The following TP63 variants were observed in gnomAD, a reference collection of about 807,000 sequenced individuals.
TP63 encodes tumor protein 63.
Under a neutral mutation model 82.8 loss-of-function variants are expected in TP63, and 17 were observed. The ratio of observed to expected loss-of-function variants is 0.21; its 90% confidence interval spans 0.14 to 0.31. The LOEUF is 0.31. Among genes scored for constraint, TP63 ranks in the 10% least tolerant of loss-of-function variants. The pLI, the probability that TP63 is intolerant of heterozygous loss-of-function variation, is 1.00. For missense variants in TP63, 648 were observed against 895.3 expected, an observed-to-expected ratio of 0.72 and a Z score of 3.52; for synonymous variants, 330 against 321.7, an observed-to-expected ratio of 1.03 and a Z score of -0.28.
At position 189,852,716 on chromosome 3, in the gene TP63, A is replaced by G. The variant is rs116665369; in HGVS notation, c.580-11516A>G. ...AAAGAACTGATTAGGTCTTTCCCCTACCTTATAATCCTCAGTGACACCTCT... is the reference window on the plus strand; with the variant it reads ...AAAGAACTGATTAGGTCTTTCCCCTGCCTTATAATCCTCAGTGACACCTCT... On this transcript the variant is annotated intron_variant, in intron 4 of 13. Transcript: ENST00000264731. Among the ~76,000 whole-genome samples the G allele has an allele frequency of 6.1e-3, 936 of 152,224 alleles. 12 individuals are homozygous for G. Among genetic ancestry groups the G allele is most frequent in the African/African-American group, 0.022 (897 of 41,538 alleles).
rs77881428 is a variant in TP63 at position 189,867,118 on chromosome 3, T to G, written c.882+321T>G. The stretch of plus-strand genomic sequence containing the variant: ...AACTGGCAGTTGGACGGGTAGTGGA[T>G]AAGCAATAGTAGTGGATGCAAGTGT... On this transcript the variant is annotated intron_variant, in intron 6 of 13. Coordinates refer to ENST00000264731, the MANE Select transcript of TP63 (RefSeq NM_003722.5). Among the ~76,000 whole-genome samples the G allele has an allele frequency of 0.014, 2,200 of 152,274 alleles. 24 individuals carry two copies. Among genetic ancestry groups the G allele is most frequent in the South Asian group, 0.028 (136 of 4,822 alleles).
Position 189,868,688 on chromosome 3 carries a change from T to A in TP63, c.1101T>A (p.Ser367Arg), listed in dbSNP as rs2108806935. The A allele has an allele frequency of 6.2e-7, 1 of 1,614,032 alleles. No individual in the cohort carries two copies. Among genetic ancestry groups the A allele is most frequent in the Non-Finnish European group, 8.5e-7 (1 of 1,179,964 alleles). The change falls in exon 8 of 14, where the codon AGT (serine) becomes AGA (arginine). Residue 367 changes from serine (S) to arginine (R), a missense_variant. Around this residue, in one of 5 missense-constraint regions of TP63, gnomAD observed 342 missense variants for 425.7 expected, o/e 0.80. Transcript: ENST00000264731. ...TCAGAAAGCAGCAAGTTTCGGACAG[T>A]ACAAAGAACGGTGATGGTACGAAGC... is the stretch of plus-strand genomic sequence containing the variant. ...DSIRKQQVSDSTKNGDGTKRP... is the reference protein window; with the variant it reads ...DSIRKQQVSDRTKNGDGTKRP...
intron 2 of TP63, 77 bp from the exon 3 acceptor site, chr3:189,738,565 C>T: frequency 6.2e-7 from 1 of 1,605,206 alleles, no homozygotes; most frequent in Non-Finnish European, 8.5e-7. Context: ...GCAGAAAATG[C>T]TTGTTGTTAA....
intron 1 of TP63, among the ~76,000 whole-genome samples, chr3:189,727,635 C>T (rs1003633974): frequency 6.6e-6 from 1 of 152,098 alleles, no homozygotes; most frequent in East Asian, 1.9e-4. Flanking sequence ...ACCTAAGAAA[C>T]CTCCTCTACA....
In TP63 at chr3:189,631,538, G is replaced by A. The variant is rs775109935; in HGVS notation, c.23G>A (p.Cys8Tyr). The change falls in exon 1 of 14, where the codon TGT becomes TAT. Residue 8 changes from cysteine to tyrosine, a missense_variant. Physicochemically the swap from Cys to Tyr is radical, Grantham distance 194. Around this residue, in one of 5 missense-constraint regions of TP63, gnomAD observed 182 missense variants for 213.6 expected, o/e 0.85. Coordinates refer to ENST00000264731, the MANE Select transcript of TP63 (RefSeq NM_003722.5). MNFETSR[C>Y]ATLQYCPDPY... is the part of the protein sequence containing the mutation. ...GAAATGAATTTTGAAACTTCACGGT[G>A]TGCCACCCTACAGTACTGCCCTGAC... 3.7e-6 allele frequency: 6 copies of A among 1,612,762 alleles called. No homozygotes were observed. Among genetic ancestry groups the A allele is most frequent in the Non-Finnish European group, 5.1e-6 (6 of 1,179,140 alleles).
chr3:189,677,384 A>ATATTTATATGTAAATAAT lies in TP63; in HGVS notation c.62+45810_62+45811insTTATATGTAAATAATTAT, dbSNP rs1228437402. Among the ~76,000 whole-genome samples, 33 of 118,084 alleles carry ATATTTATATGTAAATAAT rather than the reference A, an allele frequency of 2.8e-4. No individual in the cohort carries two copies. In the South Asian group the frequency reaches 8.3e-3, roughly 30 times the overall value. The allele number at this position is 118,084 out of a possible 152,430, so 77.5% of individuals were successfully genotyped here. ...TATATATTTATATGTAAATAATTAT[A>ATATTTATATGTAAATAAT]TATAAATATGTGTGTATATATATAC... On this transcript the variant is annotated intron_variant, in intron 1 of 13. Coordinates refer to ENST00000264731, the MANE Select transcript of TP63 (RefSeq NM_003722.5).
At chr3:189,777,171 T>A (rs1418638839) in intron 3 of TP63, among the ~76,000 whole-genome samples, 1 of 152,102 alleles carries the variant, frequency 6.6e-6, no homozygotes, top group Non-Finnish European at 1.5e-5. Flanking sequence ...CAGGCTCACC[T>A]AACTCACCCT....
intron 9 of TP63, among the ~76,000 whole-genome samples, chr3:189,872,531 C>T (rs1053342959): frequency 6.6e-6 from 1 of 151,878 alleles, no homozygotes; most frequent in Non-Finnish European, 1.5e-5. Flanking sequence ...AACAAAATCA[C>T]CAATGAAAAG....
chr3:189,714,419 A>T (rs1443905106), intron 1 of TP63, among the ~76,000 whole-genome samples: 3 of 152,234 alleles, frequency 2.0e-5, no homozygotes, highest in African/African-American at 7.2e-5. Flanking sequence ...CGAGAATAAT[A>T]CAGAAATATC....
At chr3:189,754,583 T>A (rs1050805061) in intron 3 of TP63, among the ~76,000 whole-genome samples, 8 of 152,132 alleles carry the variant, frequency 5.3e-5, no homozygotes, top group Non-Finnish European at 1.2e-4. Context: ...CTCCTTGCCG[T>A]GTGCCTTTTC....
intron 1 of TP63, among the ~76,000 whole-genome samples, chr3:189,718,951 G>C (rs1719167422): frequency 6.6e-6 from 1 of 152,070 alleles, no homozygotes; most frequent in African/African-American, 2.4e-5. Context: ...AATATGTGAA[G>C]AACATAAAGA....
rs527680654 is a variant in TP63, at chr3:189,677,921, T to C, written c.62+46344T>C. 2.6e-4 allele frequency among the ~76,000 whole-genome samples: 39 copies of C among 152,220 alleles called. No individual in the cohort carries two copies. The South Asian group carries it at 2.7e-3, about 11-fold the overall frequency. ...CTGAAACGTGTCTGTTCATGTACTT[T>C]GCCCGTTTTTTCAATTGTGATTATT... On this transcript the variant is annotated intron_variant, in intron 1 of 13. Transcript: ENST00000264731.
intron 4 of TP63, among the ~76,000 whole-genome samples, chr3:189,840,875 A>AC (rs1714008144): frequency 7.1e-6 from 1 of 140,016 alleles, no homozygotes; most frequent in Admixed American, 7.2e-5. Context: ...AAAAAAAAAA[A>AC]AAACAACTAT....
chr3:189,633,390 C>G (rs1381297765), intron 1 of TP63, among the ~76,000 whole-genome samples: 2 of 151,966 alleles, frequency 1.3e-5, no homozygotes, highest in Admixed American at 1.3e-4. Context: ...CACCTTCCAC[C>G]CTCTGAAAGG....
At chr3:189,606,973 C>T in the TP63 span, among the ~76,000 whole-genome samples, 1 of 152,178 alleles carries the variant, frequency 6.6e-6, no homozygotes, top group African/African-American at 2.4e-5. Flanking sequence ...CTTTCTCTTT[C>T]ATGCTTCCCT....
At chr3:189,771,354 T>C (rs931888239) in intron 3 of TP63, among the ~76,000 whole-genome samples, 1 of 107,804 alleles carries the variant, frequency 9.3e-6, no homozygotes, top group African/African-American at 4.9e-5. Flanking sequence ...TATAATATAT[T>C]AAATATATAA....
At chr3:189,786,483 G>A (rs908378279) in intron 3 of TP63, among the ~76,000 whole-genome samples, 64 of 133,822 alleles carry the variant, frequency 4.8e-4, no homozygotes, top group African/African-American at 1.6e-3. Flanking sequence ...ACACACACAC[G>A]CATGCACAAA....
intron 10 of TP63, among the ~76,000 whole-genome samples, chr3:189,877,689 A>G (rs1210893155): frequency 1.3e-5 from 2 of 152,200 alleles, no homozygotes; most frequent in Middle Eastern, 3.2e-3. Context: ...CTCCAAGTCC[A>G]TGGTTCCAGC....
At chr3:189,737,682 A>G in intron 1 of TP63, 58 bp from the exon 2 acceptor site, 9 of 1,574,464 alleles carry the variant, frequency 5.7e-6, no homozygotes, top group Non-Finnish European at 7.9e-6. Flanking sequence ...TTTAATTTAA[A>G]TATTCAGTGT....
Sources: gnomAD v4.1 joint callset for allele counts (sites outside exome capture counted in the v4.1 genomes callset) on GRCh38, gnomAD v4.1.1 for gene constraint, gnomAD v4.1.1 regional missense constraint, MANE v1.5 for transcripts, NCBI Gene and HGNC (gene_info 2026-07-23, HGNC 2026-07-21) for gene names.